ERCC6L2: variants seen among roughly 807,000 people sequenced by gnomAD.
The protein encoded by ERCC6L2 is DNA excision repair protein ERCC-6-like 2.
A neutral mutation model predicts 132.0 loss-of-function variants in ERCC6L2; 77 were observed. The observed-to-expected ratio is 0.58, with a 90% CI of 0.49 to 0.71. ERCC6L2 has a LOEUF of 0.71. Among genes scored for constraint, ERCC6L2 ranks in the 30% least tolerant of loss-of-function variants. ERCC6L2 has a pLI of 0.00. For synonymous variants in ERCC6L2, 583 were observed against 632.4 expected, an observed-to-expected ratio of 0.92 and a Z score of 1.17; for missense variants, 1,542 against 1,837.6, an observed-to-expected ratio of 0.84 and a Z score of 2.94.
At chr9:95,995,772 A>G (rs879792499) in intron 17 of ERCC6L2, among the ~76,000 whole-genome samples, 18 of 152,216 alleles carry the variant, frequency 1.2e-4, no homozygotes, top group African/African-American at 2.7e-4. Flanking sequence ...GATCACATGC[A>G]TGATCTTTGA....
chr9:95,999,130 G>A (rs1348634804), intron 17 of ERCC6L2, among the ~76,000 whole-genome samples: 1 of 152,198 alleles, frequency 6.6e-6, no homozygotes, highest in Non-Finnish European at 1.5e-5. Flanking sequence ...GGAGGTCGAG[G>A]CAGGCAGATC....
At position 96,015,015 on chromosome 9, in the gene ERCC6L2, GT is replaced by G. The variant is rs767745101; in HGVS notation, c.*1837del. The stretch of plus-strand genomic sequence containing the variant: ...GCTCTATAGTCTTCATATATGTACA[GT>G]TTTTTTTTTTTTTTTTTTTTTTTTG... On this transcript the variant is annotated 3_prime_UTR_variant, in exon 19 of 19. Transcript: ENST00000653738. Among the ~76,000 whole-genome samples the G allele has an allele frequency of 8.8e-3, 574 of 65,338 alleles. No individual in the cohort carries two copies. The highest frequency in any genetic ancestry group is 0.023 in the Middle Eastern group (1 of 44). The allele number at this position is 65,338 out of a possible 152,430, so 42.9% of individuals were successfully genotyped here.
intron 13 of ERCC6L2, among the ~76,000 whole-genome samples, chr9:95,956,407 A>G (rs962156977): frequency 6.6e-6 from 1 of 152,190 alleles, no homozygotes; most frequent in African/African-American, 2.4e-5. Context: ...GCCAAGATGT[A>G]ATGGTTTACC....
chr9:95,953,345 G>A (rs1831431750), intron 12 of ERCC6L2, among the ~76,000 whole-genome samples: 1 of 152,154 alleles, frequency 6.6e-6, no homozygotes, highest in South Asian at 2.1e-4. Context: ...GGGAGGCCGA[G>A]GCAGGCGGAT....
chr9:96,007,466 A>G (rs625105), intron 18 of ERCC6L2, among the ~76,000 whole-genome samples: 47,312 of 152,114 alleles, frequency 0.31, 7,444 homozygotes, highest in East Asian at 0.4. Context: ...GCAGGAAGCA[A>G]TGAAGGGGTC....
chr9:95,930,961 C>T (rs1564235517), intron 11 of ERCC6L2, among the ~76,000 whole-genome samples: 1 of 152,070 alleles, frequency 6.6e-6, no homozygotes, highest in Admixed American at 6.6e-5. Flanking sequence ...TACCAGTAAC[C>T]GGTTATTGTC....
rs373682544 is a variant in ERCC6L2 at position 95,929,543 on chromosome 9, TAAAC to T, written c.1751+681_1751+684del. ...TCAGAATTTCAATGGACTTTAAAAA[TAAAC>T]ATATATAAAATGCACAAAGTAAAAA... On this transcript the variant is annotated intron_variant, in intron 11 of 18. Coordinates refer to ENST00000653738, the MANE Select transcript of ERCC6L2 (RefSeq NM_020207.7). Among the ~76,000 whole-genome samples, 767 of 152,238 alleles carry T rather than the reference TAAAC, an allele frequency of 5.0e-3. 11 individuals carry two copies. Among genetic ancestry groups the T allele is most frequent in the African/African-American group, 0.016 (682 of 41,542 alleles).
chr9:96,031,767 TCAGCTTCCCAGGAACA>T (rs1475905471), intron 19 of ERCC6L2, among the ~76,000 whole-genome samples: 2 of 152,136 alleles, frequency 1.3e-5, no homozygotes, highest in African/African-American at 2.4e-5. Flanking sequence ...ACTGCCTAGT[TCAGCTTCCCAGGAACA>T]CAAGCTTGAC....
chr9:95,908,614 T>C (rs971164841), intron 4 of ERCC6L2, among the ~76,000 whole-genome samples: 16 of 152,180 alleles, frequency 1.1e-4, no homozygotes, highest in African/African-American at 3.9e-4. Flanking sequence ...GAAGTCTTCA[T>C]AGTTGTTCCA....
intron 9 of ERCC6L2, among the ~76,000 whole-genome samples, chr9:95,926,750 T>G (rs1412741130): frequency 1.3e-5 from 2 of 152,114 alleles, no homozygotes; most frequent in Non-Finnish European, 2.9e-5. Flanking sequence ...TGTAACACAA[T>G]GAATAAACCC....
intron 3 of ERCC6L2, among the ~76,000 whole-genome samples, chr9:95,901,067 C>T (rs2132626068): frequency 6.8e-6 from 1 of 147,082 alleles, no homozygotes; most frequent in East Asian, 2.0e-4. Context: ...GAGTGGTACT[C>T]TGTCTCAGAA....
In ERCC6L2 at chr9:95,878,300, C is replaced by T. The variant is rs138051126; in HGVS notation, c.46+2216C>T. ...AAAGTAACAAATAGCTAATAACTGA[C>T]TCTAGAGAAAATGTTTGCCAGCCTT... is the stretch of plus-strand genomic sequence containing the variant. On this transcript the variant is annotated intron_variant, in intron 1 of 18. Coordinates refer to ENST00000653738, the MANE Select transcript of ERCC6L2 (RefSeq NM_020207.7). Among the ~76,000 whole-genome samples the T allele has an allele frequency of 5.9e-3, 897 of 152,314 alleles. 14 individuals carry two copies. Among genetic ancestry groups the T allele is most frequent in the African/African-American group, 0.021 (862 of 41,562 alleles).
At chr9:95,944,073 C>T (rs936701152) in intron 12 of ERCC6L2, among the ~76,000 whole-genome samples, 1 of 152,154 alleles carries the variant, frequency 6.6e-6, no homozygotes, top group African/African-American at 2.4e-5. Flanking sequence ...CTTGTACACT[C>T]ATGTTCATAG....
At chr9:96,038,860 T>G (rs760116436) in intron 19 of ERCC6L2, 1 of 456,344 alleles carries the variant, frequency 2.2e-6, no homozygotes, top group East Asian at 6.9e-5. Flanking sequence ...TAACAATGTG[T>G]GACTTCTGAT....
Position 95,923,380 on chromosome 9 carries a change from G to GT in ERCC6L2, c.1533+2dup. 1 of 1,612,704 alleles carries GT rather than the reference G, an allele frequency of 6.2e-7. No individual in the cohort carries two copies. Among genetic ancestry groups the GT allele is most frequent in the Non-Finnish European group, 8.5e-7 (1 of 1,179,234 alleles). Reference sequence around the variant, plus strand: ...CCCTAAATACAGTGGAAAAATGAAGGTAAGTGCTCCTCTTTCAGGTTGCAT... The same window carrying GT: ...CCCTAAATACAGTGGAAAAATGAAGGTTAAGTGCTCCTCTTTCAGGTTGCAT... On this transcript the variant is annotated splice_donor_variant, in intron 9 of 18. Coordinates refer to ENST00000653738, the MANE Select transcript of ERCC6L2 (RefSeq NM_020207.7). LOFTEE classifies it high-confidence loss of function.
At chr9:96,034,698 T>G (rs573613366) in intron 19 of ERCC6L2, among the ~76,000 whole-genome samples, 2 of 152,050 alleles carry the variant, frequency 1.3e-5, no homozygotes, top group African/African-American at 4.8e-5. Context: ...CCTTCTGAGT[T>G]TGGGTGGGAA....
In ERCC6L2 at chr9:95,889,796, G is replaced by A. The variant is rs373452335; in HGVS notation, c.472-8053G>A. 2.0e-3 allele frequency among the ~76,000 whole-genome samples: 297 copies of A among 152,214 alleles called. 1 individual carries two copies. Among genetic ancestry groups the A allele is most frequent in the Middle Eastern group, 0.014 (4 of 294 alleles). On this transcript the variant is annotated intron_variant, in intron 2 of 18. Transcript: ENST00000653738. ...AATTCAGTAAATTCTAATATTAGGT[G>A]ATGTATTTTTAAATAGAAAACATAA...
At chr9:95,979,898 A>G (rs901680493) in intron 17 of ERCC6L2, among the ~76,000 whole-genome samples, 4 of 152,110 alleles carry the variant, frequency 2.6e-5, no homozygotes, top group African/African-American at 7.2e-5. Flanking sequence ...TTTTTTTTAA[A>G]CTGTGCCCTT....
At chr9:96,018,730 A>G (rs1257725865), downstream of ERCC6L2, among the ~76,000 whole-genome samples, 1 of 150,360 alleles carries the variant, frequency 6.7e-6, no homozygotes, top group African/African-American at 2.5e-5. Flanking sequence ...CTTTGCCTGC[A>G]TTGTTTTTCT....
Sources: allele counts gnomAD v4.1 joint callset (sites outside exome capture counted in the v4.1 genomes callset), GRCh38; gene constraint gnomAD v4.1.1; transcripts MANE v1.5; gene names NCBI Gene and HGNC (gene_info 2026-07-23, HGNC 2026-07-21).